KATNIP: variants seen among roughly 807,000 people sequenced by gnomAD.
KATNIP encodes the protein katanin-interacting protein.
KATNIP carries 126 observed loss-of-function variants against 174.0 expected under a neutral mutation model. The ratio of observed to expected loss-of-function variants is 0.72; its 90% CI spans 0.63 to 0.84. The LOEUF (loss-of-function observed/expected upper bound fraction) is 0.84. Among genes scored for constraint, KATNIP ranks in the 40% least tolerant of loss-of-function variants. The probability of loss-of-function intolerance (pLI) is 0.00; values close to 1 mark genes in which losing one functional copy is unlikely to be tolerated. For missense variants in KATNIP, 1,958 were observed against 2,109.7 expected (o/e 0.93, Z 1.41); for synonymous variants, 810 against 835.7 (o/e 0.97, Z 0.53).
At chr16:27,720,027 G>T (rs1248245622) in intron 13 of KATNIP, among the ~76,000 whole-genome samples, 1 of 152,158 alleles carries the variant, frequency 6.6e-6, no homozygotes, top group African/African-American at 2.4e-5. Flanking sequence ...TGTTGTTGTT[G>T]TTGTTGTTGT....
intron 6 of KATNIP, chr16:27,669,376 T>C: frequency 1.1e-6 from 1 of 909,678 alleles, no homozygotes; most frequent in Non-Finnish European, 1.3e-6. Flanking sequence ...CCACCTGCGG[T>C]GTTGGCAGCC....
intron 6 of KATNIP, among the ~76,000 whole-genome samples, chr16:27,661,782 G>T (rs970090233): frequency 6.8e-6 from 1 of 147,812 alleles, no homozygotes; most frequent in Non-Finnish European, 1.5e-5. Context: ...GTATTGCCCT[G>T]TCACCTAGGC....
chr16:27,738,264 G>A (rs2080970977), intron 14 of KATNIP, among the ~76,000 whole-genome samples: 1 of 152,124 alleles, frequency 6.6e-6, no homozygotes, highest in Admixed American at 6.5e-5. Flanking sequence ...TGGTTGCCTG[G>A]AGCCAGGGAA....
intron 6 of KATNIP, among the ~76,000 whole-genome samples, chr16:27,656,731 T>C (rs1490467006): frequency 7.1e-6 from 1 of 140,878 alleles, no homozygotes; most frequent in East Asian, 2.1e-4. Flanking sequence ...TAGGTGGGAA[T>C]TGAACAATGA....
At chr16:27,606,821 C>T (rs1281596487) in intron 2 of KATNIP, among the ~76,000 whole-genome samples, 1 of 151,978 alleles carries the variant, frequency 6.6e-6, no homozygotes, top group Non-Finnish European at 1.5e-5. Context: ...CCACCTCAGC[C>T]TCCGGAAGTG....
intron 23 of KATNIP, 23 bp downstream of exon 23, chr16:27,773,232 G>A: frequency 6.6e-7 from 1 of 1,511,924 alleles, no homozygotes; most frequent in Non-Finnish European, 9.1e-7. Context: ...GGACAGGAGT[G>A]GGCTCCACCC....
chr16:27,644,701 G>T (rs2076909032), intron 5 of KATNIP: 1 of 151,990 alleles, frequency 6.6e-6, no homozygotes, highest in African/African-American at 2.4e-5. Flanking sequence ...TAGAGATGTG[G>T]TCTCACTATG....
At chr16:27,645,336 G>A (rs550179416) in intron 5 of KATNIP, among the ~76,000 whole-genome samples, 3 of 152,264 alleles carry the variant, frequency 2.0e-5, no homozygotes, top group South Asian at 2.1e-4. Context: ...TAACAGATTT[G>A]GAAACCGGGC....
At chr16:27,751,969 T>G (rs1232756980) in intron 17 of KATNIP, 45 bp downstream of exon 17, 1 of 1,507,000 alleles carries the variant, frequency 6.6e-7, no homozygotes, top group Non-Finnish European at 9.0e-7. Context: ...CCAGATAGGT[T>G]TCTTCCCCTA....
intron 3 of KATNIP, among the ~76,000 whole-genome samples, chr16:27,622,854 C>T (rs755158869): frequency 2.6e-5 from 4 of 152,134 alleles, no homozygotes; most frequent in Non-Finnish European, 4.4e-5. Flanking sequence ...TCTTTAGTCT[C>T]CTGTTACAGA....
chr16:27,565,530 A>C, intron 1 of KATNIP, among the ~76,000 whole-genome samples: 1 of 152,030 alleles, frequency 6.6e-6, no homozygotes, highest in East Asian at 1.9e-4. Flanking sequence ...TCACGCCTGT[A>C]ATACCAACAC....
chr16:27,681,024 G>T (rs191057289), intron 7 of KATNIP, among the ~76,000 whole-genome samples: 33 of 152,198 alleles, frequency 2.2e-4, no homozygotes, highest in Non-Finnish European at 4.0e-4. Context: ...TAGAGACAGG[G>T]TCTCACTATG....
intron 14 of KATNIP, among the ~76,000 whole-genome samples, chr16:27,737,854 G>A (rs1000117405): frequency 2.0e-5 from 3 of 152,094 alleles, no homozygotes; most frequent in African/African-American, 7.2e-5. Context: ...CATTAGTAAT[G>A]ACACCAGGAT....
chr16:27,661,461 G>A (rs1248736004), intron 6 of KATNIP, among the ~76,000 whole-genome samples: 3 of 151,784 alleles, frequency 2.0e-5, no homozygotes, highest in Non-Finnish European at 4.4e-5. Flanking sequence ...GCATGGTCTC[G>A]GCTCACTGCA....
At chr16:27,581,535 G>C (rs996684981) in intron 2 of KATNIP, among the ~76,000 whole-genome samples, 15 of 152,266 alleles carry the variant, frequency 9.9e-5, no homozygotes, top group African/African-American at 3.6e-4. Context: ...GTCTTGTGGG[G>C]GTGAGAGGAG....
intron 5 of KATNIP, among the ~76,000 whole-genome samples, chr16:27,646,992 A>G (rs1482294816): frequency 1.3e-5 from 2 of 152,166 alleles, no homozygotes; most frequent in African/African-American, 4.8e-5. Flanking sequence ...CACCTAGAAG[A>G]TGCAATGCAC....
At chr16:27,604,173 A>C (rs1179978219) in intron 2 of KATNIP, among the ~76,000 whole-genome samples, 1 of 152,048 alleles carries the variant, frequency 6.6e-6, no homozygotes, top group Non-Finnish European at 1.5e-5. Flanking sequence ...GTCACAGCTC[A>C]TTGCAGCCTC....
chr16:27,576,948 G>T (rs2090521117), intron 2 of KATNIP, among the ~76,000 whole-genome samples: 1 of 152,140 alleles, frequency 6.6e-6, no homozygotes, highest in Non-Finnish European at 1.5e-5. Context: ...GGTGTGGCCA[G>T]TGCACTCCCT....
In KATNIP at chr16:27,604,290, G is replaced by A. The variant is rs568391675; in HGVS notation, c.64-14135G>A. On this transcript the variant is annotated intron_variant, in intron 2 of 27. Coordinates refer to ENST00000261588, the MANE Select transcript of KATNIP (RefSeq NM_015202.5). ...CTTTTAAAAATTTTTAGTAGAGATA[G>A]AGTCTCACTGTGTTACCCAGGCTAG... Among the ~76,000 whole-genome samples, 5 of 152,188 alleles carry A rather than the reference G, an allele frequency of 3.3e-5. No individual in the cohort carries two copies. The East Asian group carries it at 9.7e-4, about 29-fold the overall frequency.
Sources: allele counts gnomAD v4.1 joint callset (sites outside exome capture counted in the v4.1 genomes callset), GRCh38; gene constraint gnomAD v4.1.1; transcripts MANE v1.5; gene names NCBI Gene and HGNC (gene_info 2026-07-23, HGNC 2026-07-21).